Variants in TNC observed in about 807,000 individuals in gnomAD.
TNC encodes tenascin C, also known as tenascin.
In TNC, 109 loss-of-function variants were observed where a neutral mutation model predicts 202.4. The ratio of observed to expected loss-of-function variants is 0.54; its 90% CI spans 0.46 to 0.63. The LOEUF (loss-of-function observed/expected upper bound fraction) is 0.63. Ranked by LOEUF, TNC falls within the 30% of genes least tolerant of loss-of-function variation. TNC has a pLI of 0.00. For missense variants in TNC, 2,756 were observed against 2,833.3 expected, an observed-to-expected ratio of 0.97 and a Z score of 0.62; for synonymous variants, 1,007 against 1,089.7, an observed-to-expected ratio of 0.92 and a Z score of 1.50.
At chr9:115,045,157 C>G (rs1288454336) in intron 17 of TNC, among the ~76,000 whole-genome samples, 4 of 152,180 alleles carry the variant, frequency 2.6e-5, no homozygotes, top group Non-Finnish European at 4.4e-5. Context: ...CATCATCTCT[C>G]AGGTCCCTTT....
chr9:115,073,115 G>C (rs1833581378), intron 10 of TNC, among the ~76,000 whole-genome samples: 1 of 152,166 alleles, frequency 6.6e-6, no homozygotes, highest in African/African-American at 2.4e-5. Flanking sequence ...CCACTCTTCA[G>C]GGGTAACCTT....
Position 115,087,527 on chromosome 9 carries a change from G to GGTGTGTGTGTGTGTGT in TNC, c.458-270_458-255dup, listed in dbSNP as rs57327715. On this transcript the variant is annotated intron_variant, in intron 2 of 27. Coordinates refer to ENST00000350763, the MANE Select transcript of TNC (RefSeq NM_002160.4). ...AAAACAGTGTGTGATTATGCATAGG[G>GGTGTGTGTGTGTGTGT]GTGTGTGTGTGTGTGTGTGTGTGTG... 1.9e-4 allele frequency among the ~76,000 whole-genome samples: 29 copies of GGTGTGTGTGTGTGTGT among 148,844 alleles called. No individual in the cohort carries two copies. In the South Asian group the frequency reaches 2.6e-3, roughly 13 times the overall value.
In TNC at chr9:115,079,929, T is replaced by A. The variant is rs1020116210; in HGVS notation, c.2405-1717A>T. 1.7e-4 allele frequency among the ~76,000 whole-genome samples: 26 copies of A among 152,174 alleles called. 5 individuals are homozygous for A. The highest frequency in any genetic ancestry group is 1.7e-3 in the Admixed American group (26 of 15,286). On this transcript the variant is annotated intron_variant, in intron 6 of 27. Coordinates refer to ENST00000350763, the MANE Select transcript of TNC (RefSeq NM_002160.4). ...CTAGAAGTTTAAGGCCCTTTACATC[T>A]GGAAAAAAGGTTAAAGGTTTAAAGG...
At position 115,086,748 on chromosome 9, in the gene TNC, C is replaced by T; in HGVS notation, c.983G>A (p.Gly328Asp). ...GAAGCCTTCTTCGCAGTAGCAGGTG[C>T]CATTGATGCAGCGGCCCCGGTCGAA... ...DCFDRGRCIN[G>D]TCYCEEGFTG... Residue 328 changes from glycine (G) to aspartate (D), a missense_variant, in exon 3 of 28, where the codon GGC becomes GAC. Coordinates refer to ENST00000350763, the MANE Select transcript of TNC (RefSeq NM_002160.4). 1 of 1,613,902 alleles carries T rather than the reference C, an allele frequency of 6.2e-7. No individual in the cohort carries two copies. Among genetic ancestry groups the T allele is most frequent in the South Asian group, 1.1e-5 (1 of 91,088 alleles).
rs1269369173 is a variant in TNC, at chr9:115,063,037, GA to G, written c.3912del (p.Pro1305LeufsTer36). On this transcript the variant is annotated frameshift_variant, in exon 13 of 28. Transcript: ENST00000350763. LOFTEE classifies it high-confidence loss of function. Reference protein sequence around the residue: ...DQVEEAHNLTVPGSLRSMEIP... With the variant: ...DQVEEAHNLTXPGSLRSMEIP... ...ATTTCCATGGAACGCAGGCTGCCAG[GA>G]ACCGTGAGATTGTGAGCCTCTTCCA... The G allele has an allele frequency of 6.2e-7, 1 of 1,614,130 alleles. No individual in the cohort carries two copies. Among genetic ancestry groups the G allele is most frequent in the Admixed American group, 1.7e-5 (1 of 60,024 alleles).
At chr9:115,093,484 T>C (rs1440369234) in intron 1 of TNC, among the ~76,000 whole-genome samples, 1 of 152,226 alleles carries the variant, frequency 6.6e-6, no homozygotes, top group Non-Finnish European at 1.5e-5. Flanking sequence ...TGTTCTCTCC[T>C]TTCAAACCAA....
chr9:115,086,357 T>G lies in TNC; in HGVS notation c.1374A>C (p.Gln458His), dbSNP rs1834729895. ...CACTGCAGTCATAGCCCTTGAAGCCTTGCTCACATACACATTTGCCCTCGA... is the reference window on the plus strand; with the variant it reads ...CACTGCAGTCATAGCCCTTGAAGCCGTGCTCACATACACATTTGCCCTCGA... ...RCVEGKCVCE[Q>H]GFKGYDCSDM... The change falls in exon 3 of 28, where the codon CAA becomes CAC. Residue 458 changes from glutamine to histidine, a missense_variant. Gln to His is a conservative substitution (Grantham distance 24). Transcript: ENST00000350763. The G allele has an allele frequency of 1.2e-6, 2 of 1,613,866 alleles. No homozygotes were observed. The highest frequency in any genetic ancestry group is 1.7e-6 in the Non-Finnish European group (2 of 1,179,960).
rs762958748 is a variant in TNC at position 115,057,185 on chromosome 9, C to T, written c.4547G>A (p.Arg1516Gln). 6.2e-5 allele frequency: 100 copies of T among 1,613,380 alleles called. 2 individuals carry two copies. The Middle Eastern group carries it at 1.8e-3, about 29-fold the overall frequency. The change falls in exon 15 of 28, where the codon CGG becomes CAG. Residue 1516 changes from arginine (R) to glutamine (Q), a missense_variant. Arg to Gln is a conservative substitution (Grantham distance 43, BLOSUM62 1). Coordinates refer to ENST00000350763, the MANE Select transcript of TNC (RefSeq NM_002160.4). ...GGCTGTGGCACTGATGGTTTTGGTCCGGATGCTGGGAGCAAGTCCAGAGAG... is the reference window on the plus strand; with the variant it reads ...GGCTGTGGCACTGATGGTTTTGGTCTGGATGCTGGGAGCAAGTCCAGAGAG... ...VYLSGLAPSI[R>Q]TKTISATATT...
intron 23 of TNC, 120 bp from the exon 24 acceptor site, chr9:115,030,525 G>A: frequency 2.6e-6 from 3 of 1,164,916 alleles, no homozygotes; most frequent in South Asian, 1.9e-5. Flanking sequence ...ATAATGTGAT[G>A]CAAACAATTA....
chr9:115,036,320 ACCT>A, intron 20 of TNC, 79 bp from the exon 21 acceptor site: 1 of 1,494,638 alleles, frequency 6.7e-7, no homozygotes, highest in East Asian at 2.3e-5. Flanking sequence ...CCACATACAC[ACCT>A]CCTTCGAACA....
intron 18 of TNC, 121 bp from the exon 19 acceptor site, chr9:115,041,205 T>G: frequency 8.7e-7 from 1 of 1,144,020 alleles, no homozygotes; most frequent in Middle Eastern, 2.1e-4. Flanking sequence ...AACACCACTT[T>G]CTTGACTTCT....
At chr9:115,041,902 C>T (rs916344885) in intron 18 of TNC, among the ~76,000 whole-genome samples, 3 of 152,230 alleles carry the variant, frequency 2.0e-5, no homozygotes, top group South Asian at 2.1e-4. Flanking sequence ...GATGAGTGTG[C>T]GCAGGGAGAG....
In TNC at chr9:115,100,243, A is replaced by G. The variant is rs1836124572; in HGVS notation, c.-136-9089T>C. 1.3e-5 allele frequency among the ~76,000 whole-genome samples: 2 copies of G among 152,208 alleles called. 1 individual carries two copies. Among genetic ancestry groups the G allele is most frequent in the South Asian group, 4.1e-4 (2 of 4,822 alleles). ...AATTATAGGATCAAAATCATGCTTGAGCAGGACTTAGAAGCAACTGTAGAA... is the reference window on the plus strand; with the variant it reads ...AATTATAGGATCAAAATCATGCTTGGGCAGGACTTAGAAGCAACTGTAGAA... On this transcript the variant is annotated intron_variant, in intron 1 of 27. Coordinates refer to ENST00000350763, the MANE Select transcript of TNC (RefSeq NM_002160.4).
chr9:115,103,004 G>A (rs1010018002), intron 1 of TNC, among the ~76,000 whole-genome samples: 2 of 152,160 alleles, frequency 1.3e-5, no homozygotes, highest in African/African-American at 4.8e-5. Flanking sequence ...CTCTTCTACA[G>A]TAAGATGTAT....
At chr9:115,034,828 T>A (rs1470349977) in intron 22 of TNC, among the ~76,000 whole-genome samples, 2 of 152,020 alleles carry the variant, frequency 1.3e-5, no homozygotes, top group East Asian at 3.8e-4. Flanking sequence ...AAGAACACGG[T>A]GAAACATATT....
At chr9:115,030,119 G>T in intron 24 of TNC, 135 bp downstream of exon 24, 1 of 870,082 alleles carries the variant, frequency 1.1e-6, no homozygotes, top group Non-Finnish European at 1.7e-6. Context: ...CTGTGTGACA[G>T]GCACTATCTT....
intron 10 of TNC, among the ~76,000 whole-genome samples, chr9:115,065,371 G>A (rs1024054694): frequency 1.6e-4 from 25 of 152,168 alleles, no homozygotes; most frequent in Admixed American, 2.0e-4. Context: ...ACTCCAGTCT[G>A]GGGGATAGAG....
intron 20 of TNC, among the ~76,000 whole-genome samples, chr9:115,037,193 A>G (rs1288215539): frequency 6.6e-6 from 1 of 152,186 alleles, no homozygotes; most frequent in East Asian, 1.9e-4. Flanking sequence ...TGGTTACCAT[A>G]ACTGAATGAA....
Position 115,073,685 on chromosome 9 carries a change from T to C in TNC, c.3132A>G (p.Glu1044=). The C allele has an allele frequency of 6.2e-7, 1 of 1,614,106 alleles. No individual in the cohort carries two copies. The highest frequency in any genetic ancestry group is 8.5e-7 in the Non-Finnish European group (1 of 1,180,004). ...NTTSYVLRGL[E]PGQEYNVLLT... ...GGAGGACATTGTACTCCTGTCCTGG[T>C]TCCAGGCCTCTCAGGACATAGGAAG... Residue 1044 remains glutamate, a synonymous_variant, in exon 10 of 28, where the codon GAA becomes GAG. Coordinates refer to ENST00000350763, the MANE Select transcript of TNC (RefSeq NM_002160.4).
Sources: allele counts gnomAD v4.1 joint callset (sites outside exome capture counted in the v4.1 genomes callset), GRCh38; gene constraint gnomAD v4.1.1; transcripts MANE v1.5; gene names NCBI Gene and HGNC (gene_info 2026-07-23, HGNC 2026-07-21).